C12orf50: variants seen among roughly 807,000 people sequenced by gnomAD.
C12orf50 encodes the protein uncharacterized protein C12orf50.
A neutral mutation model predicts 61.6 loss-of-function variants in C12orf50; 35 were observed. The ratio of observed to expected loss-of-function variants is 0.57; its 90% confidence interval spans 0.43 to 0.75. The LOEUF (loss-of-function observed/expected upper bound fraction) is 0.75, where lower values mean the gene tolerates loss of function less well. Ranked by LOEUF, C12orf50 falls within the 30% of genes least tolerant of loss-of-function variation. The pLI, the probability that C12orf50 is intolerant of heterozygous loss-of-function variation, is 0.00. For synonymous variants in C12orf50, 178 were observed against 161.5 expected (o/e 1.10, Z -0.77); for missense variants, 475 against 488.5 (o/e 0.97, Z 0.26).
chr12:88,026,921 G>C, intron 2 of C12orf50, 30 bp downstream of exon 2: 1 of 1,598,160 alleles, frequency 6.3e-7, no homozygotes, highest in Non-Finnish European at 8.5e-7. Flanking sequence ...AATACTTTTT[G>C]ACAAAAATGA....
chr12:87,994,524 G>T, intron 7 of C12orf50, 109 bp downstream of exon 7: 1 of 818,940 alleles, frequency 1.2e-6, no homozygotes, highest in Non-Finnish European at 1.9e-6. Flanking sequence ...AAACTCTTGT[G>T]TTAAACATGA....
At chr12:88,008,907 G>A (rs1592672195) in intron 3 of C12orf50, among the ~76,000 whole-genome samples, 1 of 152,108 alleles carries the variant, frequency 6.6e-6, no homozygotes, top group East Asian at 1.9e-4. Context: ...TATAAATAGA[G>A]TTAAGCCATA....
rs557351373 is a variant in C12orf50, at chr12:88,016,845, T to C, written c.133+9643A>G. Among the ~76,000 whole-genome samples the C allele has an allele frequency of 3.3e-5, 5 of 152,276 alleles. No individual in the cohort carries two copies. In the South Asian group the frequency reaches 6.2e-4, roughly 19 times the overall value. ...AAATTATATTGTATCTGAGAAATCA[T>C]AGGGAGTATGGCAATAAGAAAGTAG... On this transcript the variant is annotated intron_variant, in intron 3 of 12. Transcript: ENST00000298699.
At chr12:88,007,922 T>C (rs919063740) in intron 3 of C12orf50, among the ~76,000 whole-genome samples, 3 of 152,076 alleles carry the variant, frequency 2.0e-5, no homozygotes, top group Non-Finnish European at 2.9e-5. Context: ...AGTGGAACTT[T>C]ATCATCGTTT....
At chr12:87,997,942 A>ATAT in intron 4 of C12orf50, 93 bp downstream of exon 4, 1 of 949,570 alleles carries the variant, frequency 1.1e-6, no homozygotes, top group Non-Finnish European at 1.5e-6. Flanking sequence ...TCTGCCTTAT[A>ATAT]TATTACATCA....
chr12:87,981,244 C>G (rs2030453713), intron 12 of C12orf50, among the ~76,000 whole-genome samples: 1 of 152,056 alleles, frequency 6.6e-6, no homozygotes, highest in East Asian at 1.9e-4. Context: ...TGCTACTGAT[C>G]CTAATTTCTG....
chr12:87,997,340 A>C (rs1181333051), intron 4 of C12orf50, among the ~76,000 whole-genome samples: 1 of 152,184 alleles, frequency 6.6e-6, no homozygotes, highest in Non-Finnish European at 1.5e-5. Flanking sequence ...TTTTAGAAAC[A>C]TATATAAAAA....
intron 12 of C12orf50, among the ~76,000 whole-genome samples, chr12:87,982,234 A>G (rs1156998646): frequency 1.3e-5 from 2 of 152,146 alleles, no homozygotes; most frequent in East Asian, 1.9e-4. Context: ...ATTCAGTGCT[A>G]TCACATGTGA....
rs2030394242 is a variant in C12orf50, at chr12:87,980,338, C to T, written c.1238G>A (p.Ser413Asn). 1 of 1,609,922 alleles carries T rather than the reference C, an allele frequency of 6.2e-7. No homozygotes were observed. Among genetic ancestry groups the T allele is most frequent in the African/African-American group, 1.3e-5 (1 of 74,900 alleles). ...CTCTCTCAACCTCCAGGTTTACTTG[C>T]TCCCATTTCTTCTTGGCTCTAATAA... ...KIYPEPRRNG[S>N]K is the part of the protein sequence containing the mutation. The change falls in exon 13 of 13, where the codon AGC becomes AAC. Residue 413 changes from serine to asparagine, a missense_variant. Transcript: ENST00000298699.
chr12:88,005,818 C>T (rs768758897), intron 3 of C12orf50, among the ~76,000 whole-genome samples: 4 of 150,678 alleles, frequency 2.7e-5, no homozygotes, highest in Non-Finnish European at 5.9e-5. Context: ...GTATCCCCTT[C>T]TGGGATAACT....
intron 3 of C12orf50, among the ~76,000 whole-genome samples, chr12:88,021,088 C>T (rs1187552880): frequency 2.0e-5 from 3 of 151,920 alleles, no homozygotes; most frequent in East Asian, 3.9e-4. Flanking sequence ...AAAGAAAGAT[C>T]TCAAATTAAC....
chr12:88,028,599 G>C (rs2032790523), intron 1 of C12orf50, among the ~76,000 whole-genome samples: 1 of 151,974 alleles, frequency 6.6e-6, no homozygotes, highest in African/African-American at 2.4e-5. Context: ...ACTTTTGACA[G>C]AGGAAAATTC....
intron 3 of C12orf50, among the ~76,000 whole-genome samples, chr12:88,022,055 A>G (rs983969789): frequency 1.3e-5 from 2 of 151,948 alleles, no homozygotes; most frequent in Non-Finnish European, 2.9e-5. Flanking sequence ...AAAAAATTTC[A>G]GGCCAATATT....
At chr12:88,023,994 A>C (rs2032613499) in intron 3 of C12orf50, among the ~76,000 whole-genome samples, 1 of 152,238 alleles carries the variant, frequency 6.6e-6, no homozygotes, top group African/African-American at 2.4e-5. Flanking sequence ...TTTTCAAAAG[A>C]AGACATAAAT....
chr12:87,990,209 C>T (rs188771882), intron 7 of C12orf50, among the ~76,000 whole-genome samples: 8 of 152,268 alleles, frequency 5.3e-5, no homozygotes, highest in East Asian at 1.9e-4. Flanking sequence ...TGAAGTTACC[C>T]TGTAAGATTT....
At chr12:88,014,484 T>C (rs1325760425) in intron 3 of C12orf50, among the ~76,000 whole-genome samples, 1 of 152,054 alleles carries the variant, frequency 6.6e-6, no homozygotes, top group African/African-American at 2.4e-5. Flanking sequence ...GTATTTTTAG[T>C]AGAGACGGGT....
At chr12:88,006,799 T>C (rs962633028) in intron 3 of C12orf50, among the ~76,000 whole-genome samples, 7 of 152,186 alleles carry the variant, frequency 4.6e-5, no homozygotes, top group Non-Finnish European at 8.8e-5. Flanking sequence ...AGTTCTTGAC[T>C]GGAAGCTGGA....
intron 3 of C12orf50, among the ~76,000 whole-genome samples, chr12:88,020,250 C>T (rs916180910): frequency 2.6e-5 from 4 of 152,094 alleles, no homozygotes; most frequent in African/African-American, 4.8e-5. Flanking sequence ...GTTGCAAGCT[C>T]GATAAAGAAG....
Position 87,996,559 on chromosome 12 carries a change from G to T in C12orf50, c.367+10C>A. ...AGTATTAGAAAATACAAAAATGTTT[G>T]ATTTCTTACCAGATTTATAACACAT... On this transcript the variant is annotated intron_variant, in intron 5 of 12. Transcript: ENST00000298699. The T allele has an allele frequency of 6.2e-7, 1 of 1,603,130 alleles. No homozygotes were observed. The highest frequency in any genetic ancestry group is 8.5e-7 in the Non-Finnish European group (1 of 1,170,838).
Sources: gnomAD v4.1 joint callset for allele counts (sites outside exome capture counted in the v4.1 genomes callset) on GRCh38, gnomAD v4.1.1 for gene constraint, MANE v1.5 for transcripts, NCBI Gene and HGNC (gene_info 2026-07-23, HGNC 2026-07-21) for gene names.